Variants in AKAP7 observed in about 807,000 individuals in gnomAD.
AKAP7 encodes the protein A-kinase anchoring protein 7, also known as A kinase (PRKA) anchor protein 7.
Under a neutral mutation model 39.5 loss-of-function variants are expected in AKAP7, and 39 were observed. The ratio of observed to expected loss-of-function variants is 0.99; its 90% CI spans 0.76 to 1.29. AKAP7 has a LOEUF of 1.29. Among genes scored for constraint, AKAP7 ranks in the 50% most tolerant of loss-of-function variants. AKAP7 has a pLI of 0.00. For missense variants in AKAP7, 414 were observed against 407.7 expected, an observed-to-expected ratio of 1.02 and a Z score of -0.13; for synonymous variants, 140 against 139.1, an observed-to-expected ratio of 1.01 and a Z score of -0.05.
intron 3 of AKAP7, among the ~76,000 whole-genome samples, chr6:131,161,803 A>G (rs1291004426): frequency 6.6e-6 from 1 of 152,038 alleles, no homozygotes; most frequent in African/African-American, 2.4e-5. Flanking sequence ...AGGATCACGT[A>G]TACCTGTGGG....
At chr6:131,279,416 A>AT (rs1250043006) in intron 7 of AKAP7, among the ~76,000 whole-genome samples, 1 of 152,032 alleles carries the variant, frequency 6.6e-6, no homozygotes, top group Non-Finnish European at 1.5e-5. Flanking sequence ...CTACAGGTGC[A>AT]TGCCACCACG....
rs1169189297 is a variant in AKAP7 at position 131,135,740 on chromosome 6, G to A, written c.-24G>A. 3.3e-6 allele frequency: 4 copies of A among 1,219,380 alleles called. No homozygotes were observed. The African/African-American group carries it at 6.3e-5, about 19-fold the overall frequency. 75.5% of individuals were successfully genotyped at this position (1,219,380 alleles called of 1,614,324 possible). On this transcript the variant is annotated 5_prime_UTR_variant, in exon 1 of 8. Transcript: ENST00000431975. Reference sequence around the variant, plus strand: ...CACCGCCGCTGCCGCCAGCCCAGACGCGCCGCCCGCATGCGCCGCGACCAT... The same window carrying A: ...CACCGCCGCTGCCGCCAGCCCAGACACGCCGCCCGCATGCGCCGCGACCAT...
At chr6:131,205,496 A>G (rs1808008671) in intron 6 of AKAP7, among the ~76,000 whole-genome samples, 1 of 152,102 alleles carries the variant, frequency 6.6e-6, no homozygotes, top group Admixed American at 6.6e-5. Context: ...AATTGCATGT[A>G]GTAGTAGTAA....
rs185057246 is a variant in AKAP7, at chr6:131,239,722, G to A, written c.850+19914G>A. ...ATCGGCTACTGAGGCTTGTGCATTCGTCACATAGTTCTCGTGTCTTGGTTT... is the reference window on the plus strand; with the variant it reads ...ATCGGCTACTGAGGCTTGTGCATTCATCACATAGTTCTCGTGTCTTGGTTT... On this transcript the variant is annotated intron_variant, in intron 7 of 7. Coordinates refer to ENST00000431975, the MANE Select transcript of AKAP7 (RefSeq NM_016377.4). Among the ~76,000 whole-genome samples the A allele has an allele frequency of 3.3e-3, 505 of 152,154 alleles. 4 individuals are homozygous for A. The highest frequency in any genetic ancestry group is 0.011 in the African/African-American group (467 of 41,514).
chr6:131,196,553 C>T (rs986252292), intron 5 of AKAP7, among the ~76,000 whole-genome samples: 5 of 152,012 alleles, frequency 3.3e-5, no homozygotes, highest in African/African-American at 7.2e-5. Flanking sequence ...CATGAGACAC[C>T]GTGCTCAGCC....
chr6:131,214,937 C>G (rs1193703227), intron 6 of AKAP7, among the ~76,000 whole-genome samples: 1 of 152,120 alleles, frequency 6.6e-6, no homozygotes. Context: ...CTATCTCTTA[C>G]TAGCTGTGTC....
At chr6:131,184,455 T>A in intron 5 of AKAP7, 1 of 661,560 alleles carries the variant, frequency 1.5e-6, no homozygotes, top group South Asian at 1.4e-5. Flanking sequence ...GTAGCCATGA[T>A]CGCAGCATCA....
chr6:131,189,769 A>C (rs1267237352), intron 5 of AKAP7, among the ~76,000 whole-genome samples: 2 of 152,220 alleles, frequency 1.3e-5, no homozygotes, highest in Middle Eastern at 3.2e-3. Context: ...GTGTCCTTGT[A>C]TGTAAATATA....
intron 2 of AKAP7, among the ~76,000 whole-genome samples, chr6:131,159,092 ATT>A (rs1037052697): frequency 2.7e-4 from 11 of 40,454 alleles, no homozygotes; most frequent in Admixed American, 7.0e-4. Context: ...ATTTTATTTT[ATT>A]TTTTATTTTT....
intron 2 of AKAP7, among the ~76,000 whole-genome samples, chr6:131,145,963 G>A (rs937953211): frequency 1.3e-5 from 2 of 151,992 alleles, no homozygotes; most frequent in South Asian, 2.1e-4. Flanking sequence ...TAATATTGAC[G>A]TGTGTCACAA....
intron 7 of AKAP7, among the ~76,000 whole-genome samples, chr6:131,273,767 A>T (rs375368397): frequency 1.8e-4 from 28 of 152,176 alleles, no homozygotes; most frequent in South Asian, 1.7e-3. Context: ...AGTAGATCTA[A>T]ATTTCTCTGT....
At chr6:131,240,884 G>A (rs1474582074) in intron 7 of AKAP7, among the ~76,000 whole-genome samples, 1 of 152,064 alleles carries the variant, frequency 6.6e-6, no homozygotes, top group Non-Finnish European at 1.5e-5. Flanking sequence ...CCCTGCTTCA[G>A]CTCACGCTCA....
intron 7 of AKAP7, among the ~76,000 whole-genome samples, chr6:131,237,657 T>C (rs917385984): frequency 6.6e-6 from 1 of 152,234 alleles, no homozygotes; most frequent in African/African-American, 2.4e-5. Context: ...TTGAGGAATT[T>C]ATCTGTTTCT....
chr6:131,148,997 C>A (rs534299490), intron 2 of AKAP7, among the ~76,000 whole-genome samples: 1 of 152,248 alleles, frequency 6.6e-6, no homozygotes, highest in East Asian at 1.9e-4. Flanking sequence ...CTAATAGACA[C>A]CCTGGCAGAG....
At chr6:131,263,913 C>T (rs1813565881) in intron 7 of AKAP7, among the ~76,000 whole-genome samples, 1 of 152,134 alleles carries the variant, frequency 6.6e-6, no homozygotes, top group Non-Finnish European at 1.5e-5. Context: ...CAATGCATCT[C>T]CTTTCACTCT....
intron 7 of AKAP7, among the ~76,000 whole-genome samples, chr6:131,254,948 TAA>T (rs1251848967): frequency 1.3e-5 from 2 of 152,174 alleles, no homozygotes; most frequent in African/African-American, 2.4e-5. Flanking sequence ...CATTAATCCA[TAA>T]ATTGAGGTAT....
intron 3 of AKAP7, among the ~76,000 whole-genome samples, chr6:131,164,703 A>G (rs1415595431): frequency 6.6e-6 from 1 of 152,196 alleles, no homozygotes; most frequent in African/African-American, 2.4e-5. Flanking sequence ...GCAAGAATAA[A>G]GCCTTATTCT....
intron 5 of AKAP7, among the ~76,000 whole-genome samples, chr6:131,172,834 TTC>T (rs1804202771): frequency 6.6e-6 from 1 of 152,258 alleles, no homozygotes; most frequent in Non-Finnish European, 1.5e-5. Flanking sequence ...TTTATGGAAA[TTC>T]TCTGTGTTTA....
rs145889601 is a variant in AKAP7 at position 131,281,540 on chromosome 6, C to T, written c.861C>T (p.Asn287=). The change falls in exon 8 of 8, where the codon AAC becomes AAT. Residue 287 remains asparagine, a synonymous_variant. Coordinates refer to ENST00000431975, the MANE Select transcript of AKAP7 (RefSeq NM_016377.4). The surrounding 1 kb of genome is among the most constrained non-coding windows in gnomAD (Gnocchi z 4.0). The stretch of plus-strand genomic sequence containing the variant: ...TATTGTGGAATGTAGGTGAAAAGAA[C>T]GGAGGGGAGCCCGATGACGCTGAAC... ...CESSIVIGEK[N]GGEPDDAELV... 419 of 1,605,246 alleles carry T rather than the reference C, an allele frequency of 2.6e-4. 3 individuals carry two copies. In the South Asian group the frequency reaches 3.9e-3, roughly 15 times the overall value.
Sources: allele counts gnomAD v4.1 joint callset (sites outside exome capture counted in the v4.1 genomes callset), GRCh38; gene constraint gnomAD v4.1.1; non-coding constraint Gnocchi (gnomAD v3.1); transcripts MANE v1.5; gene names NCBI Gene and HGNC (gene_info 2026-07-23, HGNC 2026-07-21).